PEX13: variants seen among roughly 807,000 people sequenced by gnomAD.
PEX13 encodes the protein peroxisomal biogenesis factor 13, also known as peroxisome biogenesis factor 13.
Under a neutral mutation model 34.5 loss-of-function variants are expected in PEX13, and 28 were observed. The ratio of observed to expected loss-of-function variants is 0.81; its 90% CI spans 0.60 to 1.11. The LOEUF (loss-of-function observed/expected upper bound fraction) is 1.11. Among genes scored for constraint, PEX13 ranks in the 50% most tolerant of loss-of-function variants. The pLI is 0.00. For synonymous variants in PEX13, 177 were observed against 175.1 expected (o/e 1.01, Z -0.09); for missense variants, 550 against 491.0 (o/e 1.12, Z -1.13).
Position 61,048,936 on chromosome 2 carries a change from T to G in PEX13, c.*166T>G. ...GTTACACACTAGTATGTTGGTCTGG[T>G]GACCTGGTTACATTTTATTATACAC... On this transcript the variant is annotated 3_prime_UTR_variant, in exon 4 of 4. Coordinates refer to ENST00000295030, the MANE Select transcript of PEX13 (RefSeq NM_002618.4). 3.2e-6 allele frequency: 2 copies of G among 632,604 alleles called. No individual in the cohort carries two copies. The highest frequency in any genetic ancestry group is 1.8e-5 in the African/African-American group (1 of 54,626). 39.2% of individuals were successfully genotyped at this position (632,604 alleles called of 1,614,324 possible). A position where few individuals can be genotyped will look rare whatever the true frequency, so the allele number is the denominator to read the frequency against.
intron 1 of PEX13, among the ~76,000 whole-genome samples, chr2:61,028,068 GA>G (rs2104800699): frequency 6.6e-6 from 1 of 152,322 alleles, no homozygotes; most frequent in East Asian, 1.9e-4. Context: ...AACAGTTGCT[GA>G]GGAATAGAAT....
chr2:61,039,905 C>A (rs1228288404), intron 2 of PEX13, among the ~76,000 whole-genome samples: 4 of 152,046 alleles, frequency 2.6e-5, no homozygotes, highest in Middle Eastern at 6.8e-3. Flanking sequence ...AGAAAAAAAA[C>A]AACCCCATCA....
At chr2:61,028,818 T>C (rs993717025) in intron 1 of PEX13, among the ~76,000 whole-genome samples, 1 of 152,260 alleles carries the variant, frequency 6.6e-6, no homozygotes, top group Non-Finnish European at 1.5e-5. Flanking sequence ...TGAGCCTTAA[T>C]TGAATTTTTG....
chr2:61,032,472 A>G (rs1680468602), intron 2 of PEX13, among the ~76,000 whole-genome samples: 2 of 152,222 alleles, frequency 1.3e-5, no homozygotes, highest in African/African-American at 2.4e-5. Context: ...ACAATTGGGG[A>G]GAGACATAAG....
intron 1 of PEX13, 193 bp downstream of exon 1, chr2:61,018,044 C>A: frequency 1.4e-6 from 2 of 1,452,522 alleles, no homozygotes; most frequent in Middle Eastern, 1.9e-4. Flanking sequence ...TGTTTCTGAC[C>A]CGGCAGCTCT....
chr2:61,040,176 T>G (rs1188723554), intron 2 of PEX13, among the ~76,000 whole-genome samples: 1 of 152,198 alleles, frequency 6.6e-6, no homozygotes, highest in Non-Finnish European at 1.5e-5. Flanking sequence ...GAAGACAGTG[T>G]GGCGATTCCT....
intron 1 of PEX13, among the ~76,000 whole-genome samples, chr2:61,026,165 T>C (rs1680350728): frequency 6.6e-6 from 1 of 152,024 alleles, no homozygotes; most frequent in African/African-American, 2.4e-5. Flanking sequence ...AATTCCTTCC[T>C]ATTTCCTTCC....
chr2:61,046,832 G>T (rs1322214095), intron 3 of PEX13, among the ~76,000 whole-genome samples: 5 of 151,988 alleles, frequency 3.3e-5, no homozygotes, highest in Non-Finnish European at 7.4e-5. Context: ...GTCATTTTTT[G>T]CAGGGAAGAA....
At chr2:61,038,798 A>T (rs1680575090) in intron 2 of PEX13, among the ~76,000 whole-genome samples, 1 of 152,220 alleles carries the variant, frequency 6.6e-6, no homozygotes, top group Non-Finnish European at 1.5e-5. Context: ...TTCAATTAGG[A>T]AAAGAGGAAC....
chr2:61,050,525 G>C lies in PEX13; in HGVS notation c.*1755G>C, dbSNP rs1041122539. The C allele has an allele frequency of 6.6e-6, 1 of 152,290 alleles. No homozygotes were observed. Among genetic ancestry groups the C allele is most frequent in the Non-Finnish European group, 1.5e-5 (1 of 68,042 alleles). 9.4% of individuals were successfully genotyped at this position (152,290 alleles called of 1,614,324 possible). ...TATACTTGGCTACGAACATACTACA[G>C]AGTAATACTATCAGGAATACAGGTG... On this transcript the variant is annotated 3_prime_UTR_variant, in exon 4 of 4. Coordinates refer to ENST00000295030, the MANE Select transcript of PEX13 (RefSeq NM_002618.4).
chr2:61,023,545 T>C (rs1042337559), intron 1 of PEX13, among the ~76,000 whole-genome samples: 6 of 152,158 alleles, frequency 3.9e-5, no homozygotes, highest in Non-Finnish European at 8.8e-5. Context: ...TTAAGTTTTG[T>C]TTGAACACTA....
intron 2 of PEX13, among the ~76,000 whole-genome samples, chr2:61,034,420 C>T (rs1039216747): frequency 6.6e-6 from 1 of 152,254 alleles, no homozygotes; most frequent in Non-Finnish European, 1.5e-5. Context: ...TCTGCATCTC[C>T]AACTGAGGTA....
chr2:61,035,459 A>T (rs1680519670), intron 2 of PEX13, among the ~76,000 whole-genome samples: 1 of 152,196 alleles, frequency 6.6e-6, no homozygotes, highest in African/African-American at 2.4e-5. Context: ...ACAAAGCTGG[A>T]TGGAGAATGA....
intron 2 of PEX13, among the ~76,000 whole-genome samples, chr2:61,043,373 A>T (rs1680658333): frequency 1.3e-5 from 2 of 151,868 alleles, no homozygotes. Context: ...AAAAAAAGAC[A>T]GTACTGCTTA....
At chr2:61,024,999 A>G (rs958356140) in intron 1 of PEX13, among the ~76,000 whole-genome samples, 1 of 152,166 alleles carries the variant, frequency 6.6e-6, no homozygotes, top group Admixed American at 6.5e-5. Flanking sequence ...TTTCTGCCTA[A>G]TAAGTCTATA....
chr2:61,041,529 A>G (rs1291254253), intron 2 of PEX13, among the ~76,000 whole-genome samples: 3 of 152,214 alleles, frequency 2.0e-5, no homozygotes, highest in African/African-American at 7.2e-5. Flanking sequence ...AAAGATTATT[A>G]GATCTGGCAA....
At position 61,050,901 on chromosome 2, in the gene PEX13, G is replaced by C. The variant is rs1440939623; in HGVS notation, c.*2131G>C. The C allele has an allele frequency of 6.6e-6, 1 of 152,292 alleles. No homozygotes were observed. The highest frequency in any genetic ancestry group is 1.5e-5 in the Non-Finnish European group (1 of 68,076). 9.4% of individuals were successfully genotyped at this position (152,292 alleles called of 1,614,324 possible). A position where few individuals can be genotyped will look rare whatever the true frequency, so the allele number is the denominator to read the frequency against. On this transcript the variant is annotated 3_prime_UTR_variant, in exon 4 of 4. Transcript: ENST00000295030. ...CTCCCAAAGTGTTGGGATTACAGGC[G>C]TGAGCCACCGCACCCAGCGATTTAG...
chr2:61,034,078 C>T (rs1026860570), intron 2 of PEX13, among the ~76,000 whole-genome samples: 3 of 152,044 alleles, frequency 2.0e-5, no homozygotes, highest in African/African-American at 4.8e-5. Context: ...CTTACTGCAA[C>T]CTCCACCTCC....
chr2:61,018,038 T>A, intron 1 of PEX13, 187 bp downstream of exon 1: 1 of 1,445,054 alleles, frequency 6.9e-7, no homozygotes, highest in Non-Finnish European at 9.2e-7. Context: ...CACAGCTGTT[T>A]CTGACCCGGC....
Sources: gnomAD v4.1 joint callset for allele counts (sites outside exome capture counted in the v4.1 genomes callset) on GRCh38, gnomAD v4.1.1 for gene constraint, MANE v1.5 for transcripts, NCBI Gene and HGNC (gene_info 2026-07-23, HGNC 2026-07-21) for gene names.